CSMD1: variants seen among roughly 807,000 people sequenced by gnomAD.
CSMD1 encodes the protein CUB and Sushi multiple domains 1, also known as CUB and sushi domain-containing protein 1.
Under a neutral mutation model 417.5 loss-of-function variants are expected in CSMD1, and 213 were observed. The ratio of observed to expected loss-of-function variants is 0.51; its 90% CI spans 0.46 to 0.57. The LOEUF is 0.57. Among genes scored for constraint, CSMD1 ranks in the 20% least tolerant of loss-of-function variants. The probability of loss-of-function intolerance (pLI) is 0.00; values close to 1 mark genes in which losing one functional copy is unlikely to be tolerated. For synonymous variants in CSMD1, 2,862 were observed against 1,736.8 expected (o/e 1.65, Z -16.11); for missense variants, 6,923 against 4,529.7 (o/e 1.53, Z -15.17).
intron 6 of CSMD1, among the ~76,000 whole-genome samples, chr8:3,709,554 A>T (rs188800727): frequency 6.6e-6 from 1 of 152,142 alleles, no homozygotes; most frequent in East Asian, 1.9e-4. Flanking sequence ...AGGAAAGAAG[A>T]TGGCTCTCCC....
chr8:4,378,547 C>G (rs1174008165), intron 3 of CSMD1, among the ~76,000 whole-genome samples: 1 of 152,210 alleles, frequency 6.6e-6, no homozygotes, highest in Non-Finnish European at 1.5e-5. Flanking sequence ...TGTGACCATT[C>G]TTCCTTTTAG....
At chr8:3,890,654 C>T (rs929509162) in intron 5 of CSMD1, among the ~76,000 whole-genome samples, 1 of 152,040 alleles carries the variant, frequency 6.6e-6, no homozygotes, top group Non-Finnish European at 1.5e-5. Flanking sequence ...TTTCTAGTCC[C>T]CAAATTTAAT....
rs76573829 is a variant in CSMD1 at position 3,949,671 on chromosome 8, G to A, written c.818+48232C>T. Among the ~76,000 whole-genome samples, 753 of 152,182 alleles carry A rather than the reference G, an allele frequency of 4.9e-3. 8 individuals are homozygous for A. The highest frequency in any genetic ancestry group is 0.017 in the African/African-American group (706 of 41,508). ...AAGGGGCAACGAGGATGAGAGAAAG[G>A]AGGAGGAGAAGGAGGAATATTATAA... is the stretch of plus-strand genomic sequence containing the variant. On this transcript the variant is annotated intron_variant, in intron 5 of 69. Coordinates refer to ENST00000635120, the MANE Select transcript of CSMD1 (RefSeq NM_033225.6).
intron 20 of CSMD1, among the ~76,000 whole-genome samples, chr8:3,364,659 T>C (rs1809435980): frequency 6.6e-6 from 1 of 152,150 alleles, no homozygotes; most frequent in Non-Finnish European, 1.5e-5. Flanking sequence ...TAAAAGGGCT[T>C]CTTCTCTTTT....
chr8:3,229,052 C>G (rs186963161), intron 27 of CSMD1, among the ~76,000 whole-genome samples: 21 of 152,266 alleles, frequency 1.4e-4, no homozygotes, highest in African/African-American at 4.3e-4. Flanking sequence ...CTTCAGACAA[C>G]TGGGATAAGT....
chr8:3,204,747 G>C (rs537893000), intron 31 of CSMD1, among the ~76,000 whole-genome samples: 19 of 152,170 alleles, frequency 1.2e-4, no homozygotes, highest in Non-Finnish European at 2.9e-5. Context: ...TGCTGTCTCA[G>C]ACATAAATAA....
chr8:3,059,470 C>T (rs1259309778), intron 49 of CSMD1, among the ~76,000 whole-genome samples: 2 of 152,092 alleles, frequency 1.3e-5, no homozygotes, highest in Admixed American at 6.6e-5. Flanking sequence ...GTTTGTGAGC[C>T]GCTGTGAAGC....
rs997469473 is a variant in CSMD1 at position 4,303,403 on chromosome 8, A to G, written c.415+116550T>C. ...TAATTTTTTATTCATTGTCTCATTTATATATTGGGCAGGAAGCTGTTTTTT... is the reference window on the plus strand; with the variant it reads ...TAATTTTTTATTCATTGTCTCATTTGTATATTGGGCAGGAAGCTGTTTTTT... On this transcript the variant is annotated intron_variant, in intron 3 of 69. Coordinates refer to ENST00000635120, the MANE Select transcript of CSMD1 (RefSeq NM_033225.6). Among the ~76,000 whole-genome samples, 30 of 137,690 alleles carry G rather than the reference A, an allele frequency of 2.2e-4. 1 individual carries two copies. Among genetic ancestry groups the G allele is most frequent in the African/African-American group, 7.5e-4 (28 of 37,460 alleles). The allele number at this position is 137,690 out of a possible 152,430, so 90.3% of individuals were successfully genotyped here.
chr8:4,845,091 A>G (rs9644377), intron 1 of CSMD1, among the ~76,000 whole-genome samples: 67,299 of 151,840 alleles, frequency 0.44, 15,728 homozygotes, highest in East Asian at 0.68. Flanking sequence ...TCTTTATTAC[A>G]TATCTGTGTT....
intron 6 of CSMD1, among the ~76,000 whole-genome samples, chr8:3,748,933 T>C (rs1462563151): frequency 6.6e-6 from 1 of 152,220 alleles, no homozygotes; most frequent in Non-Finnish European, 1.5e-5. Flanking sequence ...ATTGGAATTT[T>C]ATTACAAACA....
intron 10 of CSMD1, among the ~76,000 whole-genome samples, chr8:3,553,918 C>T (rs113354428): frequency 5.2e-4 from 79 of 152,218 alleles, no homozygotes; most frequent in African/African-American, 1.8e-3. Flanking sequence ...CATGTAAAGG[C>T]AGACTTCTAC....
At chr8:3,566,878 G>C (rs1799736983) in intron 10 of CSMD1, among the ~76,000 whole-genome samples, 1 of 152,164 alleles carries the variant, frequency 6.6e-6, no homozygotes, top group South Asian at 2.1e-4. Flanking sequence ...GGTGATTCCT[G>C]ACATCTAAAG....
At chr8:4,868,684 A>G (rs755797629) in intron 1 of CSMD1, among the ~76,000 whole-genome samples, 1 of 152,162 alleles carries the variant, frequency 6.6e-6, no homozygotes, top group South Asian at 2.1e-4. Flanking sequence ...CACAACTAAC[A>G]GTATGGTGTC....
chr8:4,129,507 C>T (rs1056001442), intron 3 of CSMD1, among the ~76,000 whole-genome samples: 1 of 152,140 alleles, frequency 6.6e-6, no homozygotes, highest in Non-Finnish European at 1.5e-5. Flanking sequence ...GAGTAAATGA[C>T]ATTTTGCCAG....
chr8:4,398,250 G>A (rs1045665963), intron 3 of CSMD1, among the ~76,000 whole-genome samples: 1 of 152,158 alleles, frequency 6.6e-6, no homozygotes, highest in Non-Finnish European at 1.5e-5. Flanking sequence ...GGAGGCTGTT[G>A]TAATATTGTG....
intron 2 of CSMD1, among the ~76,000 whole-genome samples, chr8:4,450,211 C>G (rs1799054931): frequency 6.6e-6 from 1 of 152,130 alleles, no homozygotes; most frequent in Non-Finnish European, 1.5e-5. Flanking sequence ...TACAGAGTAC[C>G]TATATGTGAG....
At position 3,259,269 on chromosome 8, in the gene CSMD1, C is replaced by A. The variant is rs560545999; in HGVS notation, c.4153+24875G>T. On this transcript the variant is annotated intron_variant, in intron 26 of 69. Coordinates refer to ENST00000635120, the MANE Select transcript of CSMD1 (RefSeq NM_033225.6). ...CTGATTACAGAATGGAAGACGTATG[C>A]ATTTATGAGTTTCTTTGAAAACTCA... 2.6e-4 allele frequency among the ~76,000 whole-genome samples: 40 copies of A among 152,304 alleles called. 1 individual carries two copies. The South Asian group carries it at 7.2e-3, about 28-fold the overall frequency.
chr8:3,262,813 C>T (rs1187957746), intron 26 of CSMD1, among the ~76,000 whole-genome samples: 1 of 152,030 alleles, frequency 6.6e-6, no homozygotes, highest in Non-Finnish European at 1.5e-5. Context: ...ACCTATTAAA[C>T]ATAAGTAAAT....
chr8:3,318,992 A>T (rs533671416), intron 23 of CSMD1, among the ~76,000 whole-genome samples: 1 of 152,314 alleles, frequency 6.6e-6, no homozygotes, highest in Admixed American at 6.5e-5. Context: ...AGACCCAGAA[A>T]CACAACAACA....
Sources: allele counts gnomAD v4.1 joint callset (sites outside exome capture counted in the v4.1 genomes callset), GRCh38; gene constraint gnomAD v4.1.1; transcripts MANE v1.5; gene names NCBI Gene and HGNC (gene_info 2026-07-23, HGNC 2026-07-21).